The following ART1 variants were observed in gnomAD, a reference collection of about 807,000 sequenced individuals.
The protein encoded by ART1 is GPI-linked NAD(P)(+)--arginine ADP-ribosyltransferase 1.
Under a neutral mutation model 27.0 loss-of-function variants are expected in ART1, and 29 were observed. The observed-to-expected ratio is 1.08, with a 90% CI of 0.80 to 1.47. The LOEUF (loss-of-function observed/expected upper bound fraction) is 1.47, where lower values mean the gene tolerates loss of function less well. ART1 is among the 40% of genes most tolerant of loss of function. ART1 has a pLI of 0.00. For synonymous variants in ART1, 201 were observed against 172.2 expected, an observed-to-expected ratio of 1.17 and a Z score of -1.31; for missense variants, 480 against 423.0, an observed-to-expected ratio of 1.13 and a Z score of -1.18.
chr11:3,649,589 G>A (rs1187852305), intron 1 of ART1, among the ~76,000 whole-genome samples: 8 of 151,960 alleles, frequency 5.3e-5, no homozygotes, highest in Admixed American at 2.6e-4. Context: ...GCTGCTCCTC[G>A]CCAGGCTGAG....
intron 1 of ART1, among the ~76,000 whole-genome samples, chr11:3,651,577 C>T (rs544616568): frequency 5.3e-5 from 8 of 150,886 alleles, no homozygotes; most frequent in Non-Finnish European, 1.0e-4. Flanking sequence ...CTCATGTCTG[C>T]GTGCAGCGGC....
At chr11:3,649,362 ATAAT>A (rs1174921672) in intron 1 of ART1, among the ~76,000 whole-genome samples, 2 of 152,204 alleles carry the variant, frequency 1.3e-5, no homozygotes, top group African/African-American at 4.8e-5. Context: ...CAAGATCTAA[ATAAT>A]TCTTGTCGTA....
intron 1 of ART1, among the ~76,000 whole-genome samples, chr11:3,658,579 A>G (rs1488859205): frequency 6.6e-6 from 1 of 152,058 alleles, no homozygotes; most frequent in Admixed American, 6.6e-5. Context: ...CCTCCCTGGA[A>G]GCACCGAAGG....
At chr11:3,654,919 C>G (rs561296271) in intron 1 of ART1, among the ~76,000 whole-genome samples, 3 of 152,364 alleles carry the variant, frequency 2.0e-5, no homozygotes, top group South Asian at 2.1e-4. Flanking sequence ...AGAGCAGATG[C>G]AGACAGAAAC....
At chr11:3,649,893 C>G (rs1021792634) in intron 1 of ART1, among the ~76,000 whole-genome samples, 9 of 152,178 alleles carry the variant, frequency 5.9e-5, no homozygotes, top group Non-Finnish European at 4.4e-5. Flanking sequence ...CTTTACAGCC[C>G]TAGACCCTAA....
At chr11:3,663,898 C>T (rs1357078420) in intron 4 of ART1, 194 bp from the exon 5 acceptor site, 3 of 573,914 alleles carry the variant, frequency 5.2e-6, no homozygotes, top group Non-Finnish European at 9.4e-6. Context: ...TAACCCATTA[C>T]CATTGGACCA....
At chr11:3,648,025 G>A (rs1565037753) in intron 1 of ART1, among the ~76,000 whole-genome samples, 1 of 152,134 alleles carries the variant, frequency 6.6e-6, no homozygotes, top group African/African-American at 2.4e-5. Flanking sequence ...GCCGGTTCCT[G>A]CCTTAACTGA....
rs575225107 is a variant in ART1 at position 3,656,325 on chromosome 11, C to T, written c.-52-2837C>T. 5.9e-5 allele frequency among the ~76,000 whole-genome samples: 9 copies of T among 152,116 alleles called. No individual in the cohort carries two copies. The East Asian group carries it at 1.7e-3, about 29-fold the overall frequency. ...TCAGCCTGCCGAGTTGTTGGGACTA[C>T]AGATATGCACCACCACACCTGTAGC... On this transcript the variant is annotated intron_variant, in intron 1 of 4. Coordinates refer to ENST00000250693, the MANE Select transcript of ART1 (RefSeq NM_004314.3).
chr11:3,650,071 A>G (rs1233615904), intron 1 of ART1, among the ~76,000 whole-genome samples: 1 of 152,300 alleles, frequency 6.6e-6, no homozygotes, highest in Non-Finnish European at 1.5e-5. Context: ...CCAAGTAGCA[A>G]TGTATTTCTG....
chr11:3,660,475 A>G (rs1034917874), intron 3 of ART1, 112 bp downstream of exon 3: 28 of 1,267,152 alleles, frequency 2.2e-5, no homozygotes, highest in Middle Eastern at 2.7e-4. Flanking sequence ...ATACATAAAT[A>G]CAAGTCATAT....
At chr11:3,658,659 T>G (rs2077593234) in intron 1 of ART1, among the ~76,000 whole-genome samples, 1 of 152,134 alleles carries the variant, frequency 6.6e-6, no homozygotes, top group Non-Finnish European at 1.5e-5. Context: ...AGTCTGTCCC[T>G]GGAGATCCTG....
At chr11:3,652,020 A>G (rs1159975035) in intron 1 of ART1, among the ~76,000 whole-genome samples, 1 of 151,500 alleles carries the variant, frequency 6.6e-6, no homozygotes, top group Non-Finnish European at 1.5e-5. Context: ...TTTCCTTTCC[A>G]TCGTGGAAAT....
At chr11:3,659,333 C>A (rs539328155) in intron 2 of ART1, 57 bp downstream of exon 2, 2 of 1,608,904 alleles carry the variant, frequency 1.2e-6, no homozygotes, top group East Asian at 4.5e-5. Context: ...TCGGCTTCTT[C>A]TGAACCCTGG....
intron 1 of ART1, among the ~76,000 whole-genome samples, chr11:3,653,418 C>T (rs1370698388): frequency 6.8e-6 from 1 of 147,968 alleles, no homozygotes; most frequent in African/African-American, 2.6e-5. Flanking sequence ...TCAAAAGCTC[C>T]TCTACTGCGC....
Position 3,660,011 on chromosome 11 carries a change from C to G in ART1, c.492C>G (p.Leu164=). 6.2e-7 allele frequency: 1 copy of G among 1,613,996 alleles called. No individual in the cohort carries two copies. Among genetic ancestry groups the G allele is most frequent in the Non-Finnish European group, 8.5e-7 (1 of 1,179,970 alleles). The stretch of plus-strand genomic sequence containing the variant: ...TCCTGCTGACTGAGGCCCTGCAGCT[C>G]CTGGGCAGCGGCCAGCGTCCACCCC... ...LHFLLTEALQ[L]LGSGQRPPRC... Residue 164 remains leucine, a synonymous_variant, in exon 3 of 5, where the codon CTC becomes CTG. Coordinates refer to ENST00000250693, the MANE Select transcript of ART1 (RefSeq NM_004314.3).
intron 1 of ART1, among the ~76,000 whole-genome samples, chr11:3,656,362 A>G (rs1354492804): frequency 1.2e-5 from 1 of 83,484 alleles, no homozygotes; most frequent in Non-Finnish European, 3.0e-5. Context: ...TGGCTTATTT[A>G]TTTATTTATT....
chr11:3,651,951 C>T (rs1325033684), intron 1 of ART1, among the ~76,000 whole-genome samples: 1 of 150,802 alleles, frequency 6.6e-6, no homozygotes, highest in Non-Finnish European at 1.5e-5. Flanking sequence ...TCGCCACACA[C>T]CAGCAAAGGC....
At position 3,659,061 on chromosome 11, in the gene ART1, T is replaced by C. The variant is rs1466601990; in HGVS notation, c.-52-101T>C. Reference sequence around the variant, plus strand: ...GGGTCCTCTCTCTTCTGAGCCTCCATGTCTGTCTTATGACTCTCAGTGCCA... The same window carrying C: ...GGGTCCTCTCTCTTCTGAGCCTCCACGTCTGTCTTATGACTCTCAGTGCCA... On this transcript the variant is annotated intron_variant, in intron 1 of 4. Coordinates refer to ENST00000250693, the MANE Select transcript of ART1 (RefSeq NM_004314.3). The C allele has an allele frequency of 8.5e-6, 6 of 702,734 alleles. No homozygotes were observed. The South Asian group carries it at 9.0e-5, about 10-fold the overall frequency. The allele number at this position is 702,734 out of a possible 1,614,324, so 43.5% of individuals were successfully genotyped here. A position where few individuals can be genotyped will look rare whatever the true frequency, so the allele number is the denominator to read the frequency against.
intron 1 of ART1, 41 bp from the exon 2 acceptor site, chr11:3,659,121 A>C (rs990873685): frequency 1.2e-5 from 14 of 1,213,484 alleles, no homozygotes; most frequent in Middle Eastern, 1.9e-4. Context: ...GTGTCGATTC[A>C]TGTTTATTAA....
Sources: gnomAD v4.1 joint callset for allele counts (sites outside exome capture counted in the v4.1 genomes callset) on GRCh38, gnomAD v4.1.1 for gene constraint, MANE v1.5 for transcripts, NCBI Gene and HGNC (gene_info 2026-07-23, HGNC 2026-07-21) for gene names.